C16orf96: variants seen among roughly 807,000 people sequenced by gnomAD.
C16orf96 encodes the protein chromosome 16 open reading frame 96.
A neutral mutation model predicts 103.6 loss-of-function variants in C16orf96; 108 were observed. The observed-to-expected ratio is 1.04, with a 90% CI of 0.89 to 1.22. The LOEUF is 1.22. C16orf96 is among the 50% of genes most tolerant of loss of function. C16orf96 has a pLI of 0.00. For synonymous variants in C16orf96, 566 were observed against 593.5 expected, an observed-to-expected ratio of 0.95 and a Z score of 0.67; for missense variants, 1,586 against 1,464.2, an observed-to-expected ratio of 1.08 and a Z score of -1.36.
In C16orf96 at chr16:4,556,914, G is replaced by A. The variant is rs561974138; in HGVS notation, c.420+5G>A. ...CATGATGAAGTCATGGCCAAGGTAC[G>A]CCCCCAGCCTCCAGACACTTCTTTT... is the stretch of plus-strand genomic sequence containing the variant. On this transcript the variant is annotated splice_donor_5th_base_variant and intron_variant, in intron 1 of 15. Transcript: ENST00000444310. The A allele has an allele frequency of 2.2e-5, 33 of 1,532,006 alleles. No individual in the cohort carries two copies. The highest frequency in any genetic ancestry group is 1.2e-4 in the East Asian group (5 of 40,532). 94.9% of individuals were successfully genotyped at this position (1,532,006 alleles called of 1,614,324 possible).
upstream of C16orf96, among the ~76,000 whole-genome samples, chr16:4,555,922 C>T (rs565886957): frequency 4.0e-4 from 61 of 151,824 alleles, no homozygotes; most frequent in Non-Finnish European, 6.5e-4. Context: ...TGCTCTCGAA[C>T]TCCTGGCTTC....
intron 7 of C16orf96, among the ~76,000 whole-genome samples, chr16:4,586,134 T>C (rs841181): frequency 0.94 from 142,831 of 152,078 alleles, 67,738 homozygotes; most frequent in East Asian, 1. Context: ...GTGTTGGGTG[T>C]CAGTGACCCC....
intron 14 of C16orf96, among the ~76,000 whole-genome samples, chr16:4,595,281 C>T (rs1453808127): frequency 6.6e-6 from 1 of 152,162 alleles, no homozygotes; most frequent in Non-Finnish European, 1.5e-5. Context: ...GGCAGGAGCT[C>T]AGGACGCCGA....
At chr16:4,560,504 C>G (rs2059318022) in intron 1 of C16orf96, 1 of 151,714 alleles carries the variant, frequency 6.6e-6, no homozygotes, top group South Asian at 2.1e-4. Flanking sequence ...CCGGCCAATA[C>G]TAAAATATTT....
the C16orf96 span, among the ~76,000 whole-genome samples, chr16:4,541,188 A>C: frequency 3.3e-5 from 5 of 152,206 alleles, no homozygotes; most frequent in Non-Finnish European, 7.3e-5. Flanking sequence ...CTGGGATTAC[A>C]GGCGTGAGCC....
In C16orf96 at chr16:4,556,604, A is replaced by G. The variant is rs199511761; in HGVS notation, c.115A>G (p.Met39Val). Residue 39 changes from methionine to valine, a missense_variant, in exon 1 of 16, where the codon ATG becomes GTG. Physicochemically the swap from Met to Val is conservative, Grantham distance 21. Transcript: ENST00000444310. ...LLHGILEHIH[M>V]AELKKVLSGD... ...GCACGGCATCTTGGAGCACATCCAC[A>G]TGGCCGAGCTCAAGAAAGTCCTCTC... 11,647 of 1,551,674 alleles carry G rather than the reference A, an allele frequency of 7.5e-3. 69 individuals carry two copies. Among genetic ancestry groups the G allele is most frequent in the Non-Finnish European group, 9.2e-3 (10,571 of 1,147,006 alleles).
At chr16:4,557,004 C>T in intron 1 of C16orf96, 95 bp downstream of exon 1, 1 of 1,350,668 alleles carries the variant, frequency 7.4e-7, no homozygotes, top group Non-Finnish European at 9.8e-7. Flanking sequence ...CCGTCTCGCT[C>T]TGTCACCCAG....
At chr16:4,562,947 A>G (rs2059347398) in intron 1 of C16orf96, 2 of 1,392,696 alleles carry the variant, frequency 1.4e-6, no homozygotes, top group African/African-American at 1.4e-5. Context: ...TCCAATATCA[A>G]TTAGCACTTT....
At chr16:4,554,051 G>A (rs916151849), upstream of C16orf96, among the ~76,000 whole-genome samples, 3 of 152,146 alleles carry the variant, frequency 2.0e-5, no homozygotes, top group South Asian at 2.1e-4. Context: ...GTGTTAAGCC[G>A]AGAGTGTCCC....
In C16orf96 at chr16:4,593,269, G is replaced by T; in HGVS notation, c.2820G>T (p.Arg940=). 5 of 1,550,926 alleles carry T rather than the reference G, an allele frequency of 3.2e-6. No individual in the cohort carries two copies. Among genetic ancestry groups the T allele is most frequent in the Non-Finnish European group, 4.4e-6 (5 of 1,146,880 alleles). Residue 940 remains arginine, a synonymous_variant, in exon 12 of 16, where the codon CGG becomes CGT. Transcript: ENST00000444310. The surrounding 1 kb of genome is among the most constrained non-coding windows in gnomAD (Gnocchi z 4.2). ...AAGCCCACCTGCTGTCCCGGCTGCG[G>T]CCAGCCAGCGCCAACAGCTGCGAGT... The part of the protein sequence containing the change: ...IRKAHLLSRL[R]PASANSCEYL...
At chr16:4,542,249 C>T in the C16orf96 span, among the ~76,000 whole-genome samples, 1 of 152,212 alleles carries the variant, frequency 6.6e-6, no homozygotes, top group Non-Finnish European at 1.5e-5. Context: ...CCCATAGTCC[C>T]ACCTACTCAG....
chr16:4,567,427 G>A (rs537995201), intron 1 of C16orf96, among the ~76,000 whole-genome samples: 7 of 150,870 alleles, frequency 4.6e-5, no homozygotes, highest in African/African-American at 1.5e-4. Flanking sequence ...GGGACTACAC[G>A]TGCCCGCCAC....
intron 7 of C16orf96, among the ~76,000 whole-genome samples, chr16:4,586,767 C>A (rs1896936821): frequency 6.6e-6 from 1 of 152,334 alleles, no homozygotes; most frequent in East Asian, 1.9e-4. Context: ...TTGGTTTGTG[C>A]TTTCCTTCCT....
chr16:4,579,172 T>A (rs1596528327), intron 6 of C16orf96, 147 bp downstream of exon 6: 1 of 720,666 alleles, frequency 1.4e-6, no homozygotes, highest in Non-Finnish European at 2.3e-6. Context: ...CGAAGGCAGC[T>A]GCTGCCTCTC....
In C16orf96 at chr16:4,600,548, C is replaced by T. The variant is rs1270540454; in HGVS notation, c.*231C>T. ...CCGAGGCTGAGACCCATATGCCCCC[C>T]CCACCCCCACCAAGTCCCGTCCCCG... On this transcript the variant is annotated 3_prime_UTR_variant, in exon 16 of 16. Coordinates refer to ENST00000444310, the MANE Select transcript of C16orf96 (RefSeq NM_001145011.2). 6 of 476,568 alleles carry T rather than the reference C, an allele frequency of 1.3e-5. No individual in the cohort carries two copies. The highest frequency in any genetic ancestry group is 1.2e-4 in the African/African-American group (6 of 50,616). 29.5% of individuals were successfully genotyped at this position (476,568 alleles called of 1,614,324 possible).
At chr16:4,571,731 G>A in intron 2 of C16orf96, 66 bp downstream of exon 2, 1 of 1,378,504 alleles carries the variant, frequency 7.3e-7, no homozygotes, top group Non-Finnish European at 1.0e-6. Context: ...TTGGAGCAAT[G>A]AGGAAAATCT....
At chr16:4,554,441 C>T (rs2059245023), upstream of C16orf96, among the ~76,000 whole-genome samples, 1 of 151,758 alleles carries the variant, frequency 6.6e-6, no homozygotes, top group Non-Finnish European at 1.5e-5. Flanking sequence ...AGCTCCGCCT[C>T]CCAGATTCAA....
upstream of C16orf96, among the ~76,000 whole-genome samples, chr16:4,553,219 A>G (rs1567433499): frequency 6.6e-6 from 1 of 152,204 alleles, no homozygotes; most frequent in Non-Finnish European, 1.5e-5. Flanking sequence ...CCTCTGCAGA[A>G]GCATCTGTTG....
At chr16:4,571,516 C>T in intron 1 of C16orf96, 45 bp from the exon 2 acceptor site, 2 of 1,502,512 alleles carry the variant, frequency 1.3e-6, no homozygotes, top group Non-Finnish European at 1.8e-6. Context: ...CTTACCTTCT[C>T]CCCCAGCCAT....
Sources: allele counts gnomAD v4.1 joint callset (sites outside exome capture counted in the v4.1 genomes callset), GRCh38; gene constraint gnomAD v4.1.1; non-coding constraint Gnocchi (gnomAD v3.1); transcripts MANE v1.5; gene names NCBI Gene and HGNC (gene_info 2026-07-23, HGNC 2026-07-21).